Variants in INPP4B observed in about 807,000 individuals in gnomAD.
INPP4B encodes inositol polyphosphate 4-phosphatase type II.
INPP4B carries 55 observed loss-of-function variants against 122.5 expected under a neutral mutation model. The ratio of observed to expected loss-of-function variants is 0.45; its 90% CI spans 0.36 to 0.56. The LOEUF (loss-of-function observed/expected upper bound fraction) is 0.56, where lower values mean the gene tolerates loss of function less well. Among genes scored for constraint, INPP4B ranks in the 20% least tolerant of loss-of-function variants. INPP4B has a pLI of 0.00. For synonymous variants in INPP4B, 403 were observed against 388.7 expected, an observed-to-expected ratio of 1.04 and a Z score of -0.43; for missense variants, 1,000 against 1,097.7, an observed-to-expected ratio of 0.91 and a Z score of 1.26.
chr4:142,738,986 G>T (rs531210688), intron 1 of INPP4B, among the ~76,000 whole-genome samples: 2 of 152,162 alleles, frequency 1.3e-5, no homozygotes, highest in South Asian at 2.1e-4. Context: ...CTGTCCTGAA[G>T]AAGTTCCAGA....
At chr4:142,591,737 T>G (rs1416792158) in intron 2 of INPP4B, among the ~76,000 whole-genome samples, 3 of 152,154 alleles carry the variant, frequency 2.0e-5, no homozygotes, top group African/African-American at 7.2e-5. Flanking sequence ...GCCCTCGATA[T>G]GATGTTGATG....
chr4:142,594,615 T>C lies in INPP4B; in HGVS notation c.-191+131224A>G, dbSNP rs74373226. Among the ~76,000 whole-genome samples the C allele has an allele frequency of 1.7e-4, 26 of 152,240 alleles. No homozygotes were observed. The East Asian group carries it at 4.8e-3, about 28-fold the overall frequency. On this transcript the variant is annotated intron_variant, in intron 2 of 25. Transcript: ENST00000262992. ...TATTGCCTCTCATTGATTAGCTACA[T>C]GTATTATATCAAACATTTAGATGTT...
At chr4:142,550,836 G>A (rs1354826213) in intron 2 of INPP4B, among the ~76,000 whole-genome samples, 1 of 151,988 alleles carries the variant, frequency 6.6e-6, no homozygotes, top group Non-Finnish European at 1.5e-5. Flanking sequence ...GTAATTATCT[G>A]GCTGTGTCGC....
chr4:142,197,839 GATTAAATAATGTGTCT>G (rs1248056933), intron 14 of INPP4B, among the ~76,000 whole-genome samples: 3 of 152,042 alleles, frequency 2.0e-5, no homozygotes, highest in African/African-American at 7.2e-5. Flanking sequence ...TTTTCCATGA[GATTAAATAATGTGTCT>G]AGTCTTATGC....
At chr4:142,252,251 C>T (rs1002243450) in intron 11 of INPP4B, among the ~76,000 whole-genome samples, 14 of 147,120 alleles carry the variant, frequency 9.5e-5, no homozygotes, top group African/African-American at 2.8e-4. Flanking sequence ...TGCAGTGGCG[C>T]GATCTCGGCT....
chr4:142,405,455 A>C, intron 5 of INPP4B, 131 bp from the exon 6 acceptor site: 1 of 637,406 alleles, frequency 1.6e-6, no homozygotes, highest in South Asian at 1.8e-5. Flanking sequence ...CTGGTTTTAC[A>C]GAGGAAGTCC....
intron 9 of INPP4B, among the ~76,000 whole-genome samples, chr4:142,304,771 T>C (rs1166549438): frequency 6.6e-6 from 1 of 152,166 alleles, no homozygotes; most frequent in African/African-American, 2.4e-5. Flanking sequence ...GTATGCATAA[T>C]TATGAAAGTT....
intron 11 of INPP4B, among the ~76,000 whole-genome samples, chr4:142,254,391 T>G (rs1444270080): frequency 7.1e-6 from 1 of 141,616 alleles, no homozygotes; most frequent in Non-Finnish European, 1.6e-5. Context: ...AGGCTTCAGA[T>G]GATCAAATTA....
intron 21 of INPP4B, among the ~76,000 whole-genome samples, chr4:142,115,872 G>T (rs1373709527): frequency 1.3e-5 from 2 of 152,180 alleles, no homozygotes; most frequent in African/African-American, 4.8e-5. Flanking sequence ...CTGGCAAATT[G>T]GATAAAAAGT....
chr4:142,657,250 T>C (rs998602774), intron 2 of INPP4B, among the ~76,000 whole-genome samples: 1 of 152,244 alleles, frequency 6.6e-6, no homozygotes, highest in African/African-American at 2.4e-5. Context: ...CACATGACTT[T>C]AATCTTTAAG....
intron 7 of INPP4B, among the ~76,000 whole-genome samples, chr4:142,382,522 C>A (rs1396113661): frequency 7.0e-6 from 1 of 143,718 alleles, no homozygotes; most frequent in Non-Finnish European, 1.5e-5. Context: ...AAACAAAAAA[C>A]ATACATACAC....
At chr4:142,628,269 G>C (rs1423724901) in intron 2 of INPP4B, among the ~76,000 whole-genome samples, 4 of 147,940 alleles carry the variant, frequency 2.7e-5, no homozygotes, top group Non-Finnish European at 6.0e-5. Flanking sequence ...TAGGGACATG[G>C]ATGAAATTGG....
chr4:142,110,782 T>A (rs1368216113), intron 22 of INPP4B, among the ~76,000 whole-genome samples: 1 of 152,172 alleles, frequency 6.6e-6, no homozygotes, highest in Admixed American at 6.6e-5. Context: ...TTAAATAAAA[T>A]GACTGACAAC....
At chr4:142,047,229 T>A (rs2152371377) in intron 25 of INPP4B, among the ~76,000 whole-genome samples, 1 of 151,252 alleles carries the variant, frequency 6.6e-6, no homozygotes, top group Non-Finnish European at 1.5e-5. Flanking sequence ...AAATAAAGAG[T>A]GTTTCAGTAG....
intron 2 of INPP4B, among the ~76,000 whole-genome samples, chr4:142,641,868 G>C (rs1300657105): frequency 6.6e-6 from 1 of 152,118 alleles, no homozygotes; most frequent in African/African-American, 2.4e-5. Flanking sequence ...GGTTGAACTA[G>C]TTCACAGTCC....
rs1013994802 is a variant in INPP4B at position 142,270,763 on chromosome 4, C to G, written c.515G>C (p.Gly172Ala). 1 of 1,612,410 alleles carries G rather than the reference C, an allele frequency of 6.2e-7. No individual in the cohort carries two copies. The highest frequency in any genetic ancestry group is 1.3e-5 in the African/African-American group (1 of 74,960). ...LLVLSLRTSDGGKVVGTIEVS... is the reference protein window; with the variant it reads ...LLVLSLRTSDAGKVVGTIEVS... ...TTCTATGGTGCCAACCACTTTGCCA[C>G]CATCTGAAGTTCTGCAACAAAAAAT... is the stretch of plus-strand genomic sequence containing the variant. The change falls in exon 10 of 26, where the codon GGT (glycine) becomes GCT (alanine). Residue 172 changes from glycine to alanine, a missense_variant. Physicochemically the swap from Gly to Ala is moderately conservative, Grantham distance 60. Coordinates refer to ENST00000262992, the MANE Select transcript of INPP4B (RefSeq NM_001101669.3).
At chr4:142,036,345 T>G (rs1007223233) in intron 25 of INPP4B, among the ~76,000 whole-genome samples, 6 of 152,142 alleles carry the variant, frequency 3.9e-5, no homozygotes, top group African/African-American at 1.4e-4. Context: ...AACCAATCAA[T>G]CAATCATCAT....
intron 1 of INPP4B, among the ~76,000 whole-genome samples, chr4:142,747,684 T>C (rs1768971164): frequency 6.6e-6 from 1 of 152,164 alleles, no homozygotes; most frequent in African/African-American, 2.4e-5. Context: ...TGGAATACTA[T>C]GCAGCCATAA....
rs1325525763 is a variant in INPP4B at position 142,744,755 on chromosome 4, C to CA, written c.-253-18855dup. On this transcript the variant is annotated intron_variant, in intron 1 of 25. Coordinates refer to ENST00000262992, the MANE Select transcript of INPP4B (RefSeq NM_001101669.3). ...AATTATTTGCAACAAACATAAACTA[C>CA]AAAAAATGTTAAATAAAAAAGGGAA... Among the ~76,000 whole-genome samples, 3 of 151,252 alleles carry CA rather than the reference C, an allele frequency of 2.0e-5. No homozygotes were observed. The South Asian group carries it at 6.3e-4, about 32-fold the overall frequency.
Sources: gnomAD v4.1 joint callset for allele counts (sites outside exome capture counted in the v4.1 genomes callset) on GRCh38, gnomAD v4.1.1 for gene constraint, MANE v1.5 for transcripts, NCBI Gene and HGNC (gene_info 2026-07-23, HGNC 2026-07-21) for gene names.